Variants in NOBOX observed in about 807,000 individuals in gnomAD.
NOBOX encodes the protein homeobox protein NOBOX.
Under a neutral mutation model 60.2 loss-of-function variants are expected in NOBOX, and 46 were observed. The ratio of observed to expected loss-of-function variants is 0.76; its 90% CI spans 0.60 to 0.98. NOBOX has a LOEUF of 0.98. Ranked by LOEUF, NOBOX falls within the 50% of genes least tolerant of loss-of-function variation. The pLI, the probability that NOBOX is intolerant of heterozygous loss-of-function variation, is 0.00. For missense variants in NOBOX, 880 were observed against 865.5 expected (o/e 1.02, Z -0.21); for synonymous variants, 360 against 346.3 (o/e 1.04, Z -0.44).
At chr7:144,405,501 G>C (rs1214464925) in intron 1 of NOBOX, among the ~76,000 whole-genome samples, 3 of 152,132 alleles carry the variant, frequency 2.0e-5, no homozygotes, top group African/African-American at 7.2e-5. Context: ...AACCCCTTCT[G>C]GACTAGGATG....
rs374655849 is a variant in NOBOX, at chr7:144,401,239, T to A, written c.651A>T (p.Thr217=). 1.5e-5 allele frequency: 24 copies of A among 1,613,424 alleles called. No homozygotes were observed. In the African/African-American group the frequency reaches 2.8e-4, roughly 19 times the overall value. The change falls in exon 4 of 10, where the codon ACA becomes ACT. Residue 217 remains threonine, a synonymous_variant. Transcript: ENST00000467773. This position sits in a 1 kb window ranked among gnomAD's most constrained non-coding sequence, Gnocchi z 4.2. ...CTGAGTTAGGGGCACCCGGAGATGA[T>A]GTTGGGGCCAGACCCATGGCATTAG...
At position 144,401,277 on chromosome 7, in the gene NOBOX, T is replaced by C. The variant is rs1428500486; in HGVS notation, c.613A>G (p.Lys205Glu). 2.5e-6 allele frequency: 4 copies of C among 1,613,324 alleles called. No homozygotes were observed. The highest frequency in any genetic ancestry group is 1.7e-5 in the Admixed American group (1 of 59,904). ...CCCATGGCATTAGGCTTTTTCTGCT[T>C]CCCGGGGGCTGGAGAATAGGACCTC... Residue 205 changes from lysine (K) to glutamate (E), a missense_variant, in exon 4 of 10, where the codon AAG becomes GAG. Coordinates refer to ENST00000467773, the MANE Select transcript of NOBOX (RefSeq NM_001080413.3). The surrounding 1 kb of genome is among the most constrained non-coding windows in gnomAD (Gnocchi z 4.2).
At chr7:144,405,184 T>C (rs1474583318) in intron 1 of NOBOX, among the ~76,000 whole-genome samples, 2 of 152,254 alleles carry the variant, frequency 1.3e-5, no homozygotes, top group South Asian at 2.1e-4. Flanking sequence ...TTCTGATGCC[T>C]TCCATAAGGC....
At chr7:144,398,117 C>A (rs1563127033) in intron 9 of NOBOX, among the ~76,000 whole-genome samples, 165 bp downstream of exon 7, 1 of 152,174 alleles carries the variant, frequency 6.6e-6, no homozygotes, top group Non-Finnish European at 1.5e-5. Flanking sequence ...GCTCTGCAGC[C>A]TCTGCAGAAT....
chr7:144,407,496 T>G (rs2053993891), intron 1 of NOBOX, among the ~76,000 whole-genome samples: 1 of 152,190 alleles, frequency 6.6e-6, no homozygotes. Context: ...AGAGATGACC[T>G]GTCCAAAGCA....
chr7:144,398,206 T>G (rs1316005578), intron 9 of NOBOX, 76 bp downstream of exon 7: 102 of 1,324,458 alleles, frequency 7.7e-5, no homozygotes, highest in Non-Finnish European at 1.0e-4. Context: ...CAGTCTACCC[T>G]CCAGATAACT....
chr7:144,409,189 T>A (rs1375114444), intron 1 of NOBOX, among the ~76,000 whole-genome samples: 1 of 152,218 alleles, frequency 6.6e-6, no homozygotes, highest in Admixed American at 6.5e-5. Context: ...CATTATTAAC[T>A]TTTGCTTAAT....
intron 4 of NOBOX, 134 bp downstream of exon 2, chr7:144,400,912 G>A (rs1317221751): frequency 7.4e-6 from 5 of 677,666 alleles, no homozygotes; most frequent in Non-Finnish European, 1.1e-5. Context: ...CGCGGCCCAA[G>A]AGAGAATCCG....
chr7:144,399,798 C>A lies in NOBOX; in HGVS notation c.1113G>T (p.Lys371Asn). The A allele has an allele frequency of 6.2e-7, 1 of 1,613,066 alleles. No homozygotes were observed. Among genetic ancestry groups the A allele is most frequent in the Non-Finnish European group, 8.5e-7 (1 of 1,179,318 alleles). Residue 371 changes from lysine to asparagine, a missense_variant, in exon 6 of 10, where the codon AAG (lysine) becomes AAT (asparagine). Physicochemically the swap from Lys to Asn is moderately conservative, Grantham distance 94. Coordinates refer to ENST00000467773, the MANE Select transcript of NOBOX (RefSeq NM_001080413.3). ...CAGGGCCAGGGGCTGCAGGATTGTCCTTGCTTTCTTTCCCATTCAGTTTCT... is the reference window on the plus strand; with the variant it reads ...CAGGGCCAGGGGCTGCAGGATTGTCATTGCTTTCTTTCCCATTCAGTTTCT...
intron 1 of NOBOX, among the ~76,000 whole-genome samples, chr7:144,404,916 C>A (rs2053975228): frequency 6.6e-6 from 1 of 151,876 alleles, no homozygotes; most frequent in Non-Finnish European, 1.5e-5. Context: ...GAAACAGGTG[C>A]TTGGAGCTGG....
chr7:144,399,099 G>T lies in NOBOX; in HGVS notation c.1320C>A (p.Pro440=). 1 of 1,261,376 alleles carries T rather than the reference G, an allele frequency of 7.9e-7. No individual in the cohort carries two copies. Among genetic ancestry groups the T allele is most frequent in the Admixed American group, 1.7e-5 (1 of 58,040 alleles). 78.1% of individuals were successfully genotyped at this position (1,261,376 alleles called of 1,614,324 possible). The change falls in exon 8 of 10, where the codon CCC becomes CCA. Residue 440 remains proline, a synonymous_variant. Transcript: ENST00000467773. ...GCACAGGTGGGGGGCTGAAGAGTGGGGGGGTCACCACCCTCTGAGCACCCT... is the reference window on the plus strand; with the variant it reads ...GCACAGGTGGGGGGCTGAAGAGTGGTGGGGTCACCACCCTCTGAGCACCCT...
In NOBOX at chr7:144,400,138, A is replaced by C. The variant is rs2053926601; in HGVS notation, c.1019T>G (p.Leu340Trp). ...GGCTACCGCTGAGCGCTCACTCTGC[A>C]ATTCGAGTGTTTCAATGGTGGGCCC... Residue 340 changes from leucine to tryptophan, a missense_variant, in exon 5 of 10, where the codon TTG becomes TGG. Coordinates refer to ENST00000467773, the MANE Select transcript of NOBOX (RefSeq NM_001080413.3). The C allele has an allele frequency of 6.2e-7, 1 of 1,613,670 alleles. No homozygotes were observed. Among genetic ancestry groups the C allele is most frequent in the Non-Finnish European group, 8.5e-7 (1 of 1,179,896 alleles).
chr7:144,397,268 C>G lies in NOBOX; in HGVS notation c.2048G>C (p.Gly683Ala). The change falls in exon 10 of 10, where the codon GGG becomes GCG. Residue 683 changes from glycine (G) to alanine (A), a missense_variant. Coordinates refer to ENST00000467773, the MANE Select transcript of NOBOX (RefSeq NM_001080413.3). ...GGGGACATGGCTATTCTTGTCATCC[C>G]CTCTGGCCTCCTCCAGTGCTGAGGG... 1 of 1,536,682 alleles carries G rather than the reference C, an allele frequency of 6.5e-7. No individual in the cohort carries two copies. The highest frequency in any genetic ancestry group is 8.7e-7 in the Non-Finnish European group (1 of 1,146,436).
chr7:144,400,652 T>A (rs2053931038), intron 4 of NOBOX, among the ~76,000 whole-genome samples: 1 of 152,218 alleles, frequency 6.6e-6, no homozygotes, highest in African/African-American at 2.4e-5. Flanking sequence ...ATTCCCCTGC[T>A]TCGACCTACC....
At chr7:144,405,481 G>A (rs1381595018) in intron 1 of NOBOX, among the ~76,000 whole-genome samples, 8 of 152,190 alleles carry the variant, frequency 5.3e-5, no homozygotes, top group Non-Finnish European at 1.0e-4. Context: ...ATGGAGTACG[G>A]AGGAGCAGGA....
In NOBOX at chr7:144,401,266, C is replaced by T; in HGVS notation, c.624G>A (p.Lys208=). Residue 208 remains lysine (K), a synonymous_variant, in exon 4 of 10, where the codon AAG becomes AAA. Transcript: ENST00000467773. The surrounding 1 kb of genome is among the most constrained non-coding windows in gnomAD (Gnocchi z 4.2). ...TTGGGGCCAGACCCATGGCATTAGG[C>T]TTTTTCTGCTTCCCGGGGGCTGGAG... 1 of 1,613,454 alleles carries T rather than the reference C, an allele frequency of 6.2e-7. No homozygotes were observed. The highest frequency in any genetic ancestry group is 1.1e-5 in the South Asian group (1 of 90,962).
Position 144,397,443 on chromosome 7 carries a change from A to G in NOBOX, c.1873T>C (p.Phe625Leu), listed in dbSNP as rs2053901015. The change falls in exon 10 of 10, where the codon TTT becomes CTT. Residue 625 changes from phenylalanine to leucine, a missense_variant. By Grantham distance (22) the Phe-to-Leu change is conservative. Coordinates refer to ENST00000467773, the MANE Select transcript of NOBOX (RefSeq NM_001080413.3). ...CAGGGAGTTGGAAATAGATCAGGAA[A>G]GTAGCCATCCCCTCCTGGGGGATGC... 2 of 1,537,146 alleles carry G rather than the reference A, an allele frequency of 1.3e-6. No individual in the cohort carries two copies. Among genetic ancestry groups the G allele is most frequent in the Admixed American group, 2.0e-5 (1 of 50,988 alleles).
At chr7:144,405,552 G>A (rs1474325405) in intron 1 of NOBOX, among the ~76,000 whole-genome samples, 1 of 152,154 alleles carries the variant, frequency 6.6e-6, no homozygotes, top group Non-Finnish European at 1.5e-5. Context: ...TATGAGCTGT[G>A]GAGTTTACCA....
chr7:144,401,287 T>C lies in NOBOX; in HGVS notation c.603A>G (p.Pro201=). 6.2e-7 allele frequency: 1 copy of C among 1,613,554 alleles called. No individual in the cohort carries two copies. The highest frequency in any genetic ancestry group is 8.5e-7 in the Non-Finnish European group (1 of 1,179,690). Residue 201 remains proline (P), a synonymous_variant, in exon 4 of 10, where the codon CCA becomes CCG. Transcript: ENST00000467773. This position sits in a 1 kb window ranked among gnomAD's most constrained non-coding sequence, Gnocchi z 4.2. ...TAGGCTTTTTCTGCTTCCCGGGGGC[T>C]GGAGAATAGGACCTCTTTCCTATCT... is the stretch of plus-strand genomic sequence containing the variant.
Sources: allele counts gnomAD v4.1 joint callset (sites outside exome capture counted in the v4.1 genomes callset), GRCh38; gene constraint gnomAD v4.1.1; non-coding constraint Gnocchi (gnomAD v3.1); transcripts MANE v1.5; gene names NCBI Gene and HGNC (gene_info 2026-07-23, HGNC 2026-07-21).